ULK1: variants seen among roughly 807,000 people sequenced by gnomAD.
The protein encoded by ULK1 is unc-51 like autophagy activating kinase 1.
Under a neutral mutation model 117.5 loss-of-function variants are expected in ULK1, and 48 were observed. That is an observed-to-expected ratio of 0.41 (90% CI 0.32 to 0.52). The LOEUF is 0.52. ULK1 is among the 20% of genes least tolerant of loss of function. The pLI is 0.29. For missense variants in ULK1, 1,387 were observed against 1,473.4 expected (o/e 0.94, Z 0.96); for synonymous variants, 790 against 637.8 (o/e 1.24, Z -3.60).
At chr12:131,910,076 C>A (rs1889465715) in intron 10 of ULK1, 75 bp downstream of exon 10, 3 of 1,580,702 alleles carry the variant, frequency 1.9e-6, no homozygotes, top group African/African-American at 1.3e-5. Context: ...GCAGGGCCCA[C>A]CGGCTTCACA....
In ULK1 at chr12:131,895,099, G is replaced by A. The variant is rs1260036687; in HGVS notation, c.98G>A (p.Gly33Asp). Residue 33 changes from glycine (G) to aspartate (D), a missense_variant, in exon 1 of 28, where the codon GGC becomes GAC. By Grantham distance (94) the Gly-to-Asp change is moderately conservative. Coordinates refer to ENST00000321867, the MANE Select transcript of ULK1 (RefSeq NM_003565.4). Reference sequence around the variant, plus strand: ...GGCGCCTTCGCGGTGGTCTTCAAGGGCCGCCACCGCGAGGTGAGGCCCCCG... The same window carrying A: ...GGCGCCTTCGCGGTGGTCTTCAAGGACCGCCACCGCGAGGTGAGGCCCCCG... ...GHGAFAVVFKGRHREKHDLEV... is the reference protein window; with the variant it reads ...GHGAFAVVFKDRHREKHDLEV... 1 of 1,559,952 alleles carries A rather than the reference G, an allele frequency of 6.4e-7. No homozygotes were observed. Among genetic ancestry groups the A allele is most frequent in the Admixed American group, 1.9e-5 (1 of 52,416 alleles).
chr12:131,914,524 T>G (rs1261350185), intron 16 of ULK1, 47 bp downstream of exon 16: 1 of 1,585,068 alleles, frequency 6.3e-7, no homozygotes, highest in Non-Finnish European at 8.6e-7. Context: ...GGGCCTTGTG[T>G]GGCAGGAGCC....
intron 8 of ULK1, 69 bp downstream of exon 8, chr12:131,909,306 G>A (rs1272359462): frequency 1.1e-5 from 16 of 1,472,426 alleles, no homozygotes; most frequent in Middle Eastern, 2.0e-4. Context: ...GCGGTCAGAC[G>A]CCCCCTGCGA....
intron 3 of ULK1, among the ~76,000 whole-genome samples, chr12:131,905,332 C>A (rs761812622): frequency 2.6e-5 from 4 of 152,120 alleles, no homozygotes; most frequent in Admixed American, 2.0e-4. Context: ...CTGTCCCCCC[C>A]ACCAGGGGTG....
intron 13 of ULK1, among the ~76,000 whole-genome samples, chr12:131,912,641 G>A (rs906170646): frequency 6.6e-6 from 1 of 152,220 alleles, no homozygotes; most frequent in Non-Finnish European, 1.5e-5. Flanking sequence ...TGTCTGCCAG[G>A]GACACAATGA....
chr12:131,895,852 G>T, intron 3 of ULK1, 28 bp downstream of exon 3: 1 of 1,613,752 alleles, frequency 6.2e-7, no homozygotes, highest in South Asian at 1.1e-5. Flanking sequence ...CGGTCTGCTG[G>T]GGACCGGGCT....
intron 3 of ULK1, among the ~76,000 whole-genome samples, chr12:131,905,491 G>A (rs1889238601): frequency 6.6e-6 from 1 of 152,220 alleles, no homozygotes; most frequent in South Asian, 2.1e-4. Context: ...GGCTCGCTCA[G>A]GGGTAGAAGT....
At chr12:131,915,622 T>C (rs1889743682) in intron 18 of ULK1, among the ~76,000 whole-genome samples, 1 of 152,166 alleles carries the variant, frequency 6.6e-6, no homozygotes, top group South Asian at 2.1e-4. Context: ...TCTTCTGTGC[T>C]GGCTGAGGGT....
At position 131,915,377 on chromosome 12, in the gene ULK1, C is replaced by T; in HGVS notation, c.1565C>T (p.Ser522Phe). ...PERPGWSGTP[S>F]PQGAEMRGGR... ...CGGCCAGGCTGGAGCGGGACGCCCT[C>T]CCCACAGGGAGCTGAGATGCGGGGT... The change falls in exon 18 of 28, where the codon TCC becomes TTC. Residue 522 changes from serine (S) to phenylalanine (F), a missense_variant. Physicochemically the swap from Ser to Phe is radical, Grantham distance 155 (BLOSUM62 -2). Transcript: ENST00000321867. 6.2e-7 allele frequency: 1 copy of T among 1,612,814 alleles called. No homozygotes were observed. Among genetic ancestry groups the T allele is most frequent in the Non-Finnish European group, 8.5e-7 (1 of 1,179,984 alleles).
chr12:131,918,902 GGTGTAGGGT>G (rs1435237856), intron 23 of ULK1, among the ~76,000 whole-genome samples: 1 of 145,074 alleles, frequency 6.9e-6, no homozygotes, highest in Non-Finnish European at 1.5e-5. Context: ...TAGGGTGTGG[GGTGTAGGGT>G]GTGTGGGGTG....
Position 131,920,083 on chromosome 12 carries a change from C to T in ULK1, c.2908C>T (p.Arg970Cys), listed in dbSNP as rs771870952. Residue 970 changes from arginine to cysteine, a missense_variant, in exon 26 of 28, where the codon CGC becomes TGC. By Grantham distance (180) the Arg-to-Cys change is radical. Transcript: ENST00000321867. ...FFLDKQRLLDRIHSITAERLI... is the reference protein window; with the variant it reads ...FFLDKQRLLDCIHSITAERLI... ...CCTGGACAAGCAGCGGCTCCTGGAC[C>T]GCATTCACAGCATCACTGCCGAGAG... 2.1e-5 allele frequency: 34 copies of T among 1,612,692 alleles called. 1 individual carries two copies. The highest frequency in any genetic ancestry group is 1.2e-4 in the Admixed American group (7 of 60,004).
At chr12:131,906,775 A>G in intron 3 of ULK1, 117 bp from the exon 4 acceptor site, 1 of 1,306,220 alleles carries the variant, frequency 7.7e-7, no homozygotes, top group Non-Finnish European at 1.1e-6. Flanking sequence ...CCGCTGGCTG[A>G]CCAGCTAAGT....
Position 131,922,200 on chromosome 12 carries a change from G to A in ULK1, c.*839G>A, listed in dbSNP as rs1890180863. On this transcript the variant is annotated 3_prime_UTR_variant, in exon 28 of 28. Transcript: ENST00000321867. Reference sequence around the variant, plus strand: ...TTTCTTTAAAGGAGAAAACTTGTAGGTGTTTAAGAATTGGTTTTGGGAGGG... The same window carrying A: ...TTTCTTTAAAGGAGAAAACTTGTAGATGTTTAAGAATTGGTTTTGGGAGGG... 1 of 362,442 alleles carries A rather than the reference G, an allele frequency of 2.8e-6. No homozygotes were observed. The highest frequency in any genetic ancestry group is 2.1e-5 in the African/African-American group (1 of 46,940). 22.5% of individuals were successfully genotyped at this position (362,442 alleles called of 1,614,324 possible).
intron 3 of ULK1, among the ~76,000 whole-genome samples, chr12:131,906,076 G>A (rs980569492): frequency 5.9e-5 from 9 of 152,146 alleles, no homozygotes; most frequent in African/African-American, 4.8e-5. Flanking sequence ...ACCTGGCAGC[G>A]CCAACCTGCA....
chr12:131,894,884 C>A lies in ULK1; in HGVS notation c.-118C>A. 4.4e-6 allele frequency: 1 copy of A among 229,514 alleles called. No individual in the cohort carries two copies. Among genetic ancestry groups the A allele is most frequent in the South Asian group, 1.5e-4 (1 of 6,780 alleles). The allele number at this position is 229,514 out of a possible 1,614,324, so 14.2% of individuals were successfully genotyped here. On this transcript the variant is annotated 5_prime_UTR_variant, in exon 1 of 28. Coordinates refer to ENST00000321867, the MANE Select transcript of ULK1 (RefSeq NM_003565.4). The stretch of plus-strand genomic sequence containing the variant: ...GCGGCCCCGGAGATGCGCCCTCGCC[C>A]GGCCCCGCGCCCCCGGCCCCGCGCC...
chr12:131,913,567 T>C lies in ULK1; in HGVS notation c.1158-180T>C, dbSNP rs187517327. On this transcript the variant is annotated intron_variant, in intron 14 of 27. Coordinates refer to ENST00000321867, the MANE Select transcript of ULK1 (RefSeq NM_003565.4). ...AGAAATGCAAAAAATTAGCCAGGCGTGGTGGCACATGCCTGTAATCCCAGC... is the reference window on the plus strand; with the variant it reads ...AGAAATGCAAAAAATTAGCCAGGCGCGGTGGCACATGCCTGTAATCCCAGC... Among the ~76,000 whole-genome samples the C allele has an allele frequency of 1.5e-3, 227 of 151,564 alleles. 2 individuals carry two copies. Among genetic ancestry groups the C allele is most frequent in the Middle Eastern group, 6.8e-3 (2 of 292 alleles).
chr12:131,907,072 A>C, intron 4 of ULK1, 148 bp downstream of exon 4: 1 of 1,104,794 alleles, frequency 9.1e-7, no homozygotes, highest in Non-Finnish European at 1.3e-6. Context: ...GCTGGAGTGC[A>C]GTGCTGCGAT....
intron 3 of ULK1, among the ~76,000 whole-genome samples, chr12:131,899,355 AT>A (rs796090236): frequency 2.0e-5 from 3 of 151,762 alleles, no homozygotes; most frequent in African/African-American, 7.3e-5. Flanking sequence ...CGCCTGGCTA[AT>A]TTTGTACTTT....
rs1021099800 is a variant in ULK1 at position 131,910,914 on chromosome 12, G to A, written c.948+114G>A. The A allele has an allele frequency of 1.9e-5, 28 of 1,496,906 alleles. No individual in the cohort carries two copies. In the African/African-American group the frequency reaches 1.9e-4, roughly 10 times the overall value. The allele number at this position is 1,496,906 out of a possible 1,614,324, so 92.7% of individuals were successfully genotyped here. On this transcript the variant is annotated intron_variant, in intron 12 of 27. Transcript: ENST00000321867. ...GACTTCTGTTGTCTGTGTGAGTCAC[G>A]AAAGACATGGATGAGTTCATTCTGT...
Sources: gnomAD v4.1 joint callset for allele counts (sites outside exome capture counted in the v4.1 genomes callset) on GRCh38, gnomAD v4.1.1 for gene constraint, MANE v1.5 for transcripts, NCBI Gene and HGNC (gene_info 2026-07-23, HGNC 2026-07-21) for gene names.